The following ZNF326 variants were observed in gnomAD, a reference collection of about 807,000 sequenced individuals.
The protein encoded by ZNF326 is zinc finger protein 326.
In ZNF326, 30 loss-of-function variants were observed where a neutral mutation model predicts 63.1. The ratio of observed to expected loss-of-function variants is 0.48; its 90% CI spans 0.36 to 0.64. The LOEUF (loss-of-function observed/expected upper bound fraction) is 0.64. ZNF326 is among the 30% of genes least tolerant of loss of function. The probability of loss-of-function intolerance (pLI) is 0.00; values close to 1 mark genes in which losing one functional copy is unlikely to be tolerated. For missense variants in ZNF326, 609 were observed against 720.3 expected, an observed-to-expected ratio of 0.85 and a Z score of 1.77; for synonymous variants, 194 against 228.2, an observed-to-expected ratio of 0.85 and a Z score of 1.35.
intron 11 of ZNF326, among the ~76,000 whole-genome samples, chr1:90,023,447 C>T (rs1438501968): frequency 2.0e-5 from 3 of 152,070 alleles, no homozygotes. Flanking sequence ...CAGTCCTTTC[C>T]AAGCTAAATA....
At chr1:89,995,342 T>TA in intron 1 of ZNF326, 69 bp downstream of exon 1, 2 of 1,512,116 alleles carry the variant, frequency 1.3e-6, no homozygotes. Flanking sequence ...GGGGTCTGTT[T>TA]ACCGTCTCAA....
chr1:90,021,050 G>T, intron 10 of ZNF326, 128 bp downstream of exon 10: 1 of 1,017,620 alleles, frequency 9.8e-7, no homozygotes, highest in Non-Finnish European at 1.4e-6. Context: ...ATAACTGTAA[G>T]TATACTCAGA....
chr1:89,999,602 T>C (rs1356193779), intron 2 of ZNF326, among the ~76,000 whole-genome samples: 1 of 152,240 alleles, frequency 6.6e-6, no homozygotes, highest in Non-Finnish European at 1.5e-5. Context: ...TTTCAAAGTC[T>C]CTCTTTTCAC....
Position 90,033,424 on chromosome 1 carries a change from G to A in ZNF326, c.*5723G>A, listed in dbSNP as rs1346690668. The A allele has an allele frequency of 6.6e-6, 1 of 152,036 alleles. No homozygotes were observed. The highest frequency in any genetic ancestry group is 1.5e-5 in the Non-Finnish European group (1 of 67,994). 9.4% of individuals were successfully genotyped at this position (152,036 alleles called of 1,614,324 possible). A position where few individuals can be genotyped will look rare whatever the true frequency, so the allele number is the denominator to read the frequency against. On this transcript the variant is annotated 3_prime_UTR_variant, in exon 12 of 12. Coordinates refer to ENST00000340281, the MANE Select transcript of ZNF326 (RefSeq NM_182976.4). ...GGGAAAAAATGACCAAGTATAATTA[G>A]TATTATATGGAATAATAATTACTAC...
chr1:90,022,174 A>C, intron 10 of ZNF326, 76 bp from the exon 11 acceptor site: 1 of 1,070,654 alleles, frequency 9.3e-7, no homozygotes, highest in Non-Finnish European at 1.4e-6. Flanking sequence ...TTTGAGCATG[A>C]AATGCTGTTT....
intron 4 of ZNF326, 107 bp downstream of exon 4, chr1:90,005,351 G>T: frequency 6.8e-7 from 1 of 1,471,240 alleles, no homozygotes; most frequent in South Asian, 1.5e-5. Flanking sequence ...TTCACTGTTT[G>T]CTATTGAATC....
At chr1:90,005,742 A>G in intron 4 of ZNF326, 2 of 983,692 alleles carry the variant, frequency 2.0e-6, no homozygotes, top group Non-Finnish European at 2.4e-6. Context: ...TCTAATTTTA[A>G]AGGAAGAGCA....
intron 11 of ZNF326, among the ~76,000 whole-genome samples, chr1:90,026,446 T>C (rs569688101): frequency 5.3e-5 from 8 of 152,222 alleles, no homozygotes; most frequent in Non-Finnish European, 1.2e-4. Flanking sequence ...CTCTCCTCTC[T>C]TTTGAGTTGC....
At chr1:90,005,800 T>G (rs1181629356) in intron 4 of ZNF326, 2 of 985,248 alleles carry the variant, frequency 2.0e-6, no homozygotes, top group African/African-American at 3.5e-5. Context: ...GGTTATTTAT[T>G]GACAGGTACT....
At chr1:90,006,250 G>A (rs1459546867) in intron 4 of ZNF326, 1 of 983,404 alleles carries the variant, frequency 1.0e-6, no homozygotes, top group Non-Finnish European at 1.2e-6. Context: ...ATTTTTATAT[G>A]GTTACTAGGA....
intron 7 of ZNF326, among the ~76,000 whole-genome samples, chr1:90,014,816 C>T (rs912222420): frequency 5.3e-5 from 8 of 152,132 alleles, no homozygotes; most frequent in Non-Finnish European, 1.2e-4. Context: ...AAGTAACAGG[C>T]ATAGTTAATA....
At position 90,027,675 on chromosome 1, in the gene ZNF326, C is replaced by T. The variant is rs1650086853; in HGVS notation, c.1723C>T (p.Pro575Ser). 1.2e-6 allele frequency: 2 copies of T among 1,613,730 alleles called. No homozygotes were observed. The highest frequency in any genetic ancestry group is 1.3e-5 in the African/African-American group (1 of 74,836). ...AGCAAAGGAAGAACCTGCTGACTTC[C>T]CTGTTGAGCAACCTGAAGAAAATTA... ...ETAKEEPADF[P>S]VEQPEEN The change falls in exon 12 of 12, where the codon CCT (proline) becomes TCT (serine). Residue 575 changes from proline to serine, a missense_variant. This residue lies in a region of ZNF326 where 399 missense variants were observed against 444.3 expected (regional missense o/e 0.90). Transcript: ENST00000340281.
chr1:90,010,937 G>A (rs1467411151), intron 6 of ZNF326, among the ~76,000 whole-genome samples: 1 of 152,126 alleles, frequency 6.6e-6, no homozygotes, highest in Non-Finnish European at 1.5e-5. Flanking sequence ...ACTAAGCAGA[G>A]TATGTGTTGT....
chr1:90,025,128 G>C (rs1366794020), intron 11 of ZNF326, among the ~76,000 whole-genome samples: 1 of 151,658 alleles, frequency 6.6e-6, no homozygotes, highest in Non-Finnish European at 1.5e-5. Context: ...AGTTTACTTT[G>C]CACGTGCTCT....
intron 2 of ZNF326, among the ~76,000 whole-genome samples, chr1:89,999,553 C>G (rs915702058): frequency 1.3e-5 from 2 of 152,162 alleles, no homozygotes; most frequent in African/African-American, 4.8e-5. Flanking sequence ...ATAACTGGTT[C>G]TCATCTGAGG....
At chr1:90,012,230 A>T (rs1257415750) in intron 6 of ZNF326, among the ~76,000 whole-genome samples, 1 of 152,238 alleles carries the variant, frequency 6.6e-6, no homozygotes, top group African/African-American at 2.4e-5. Context: ...AGAATGGTTT[A>T]AAAAATGTGG....
Position 90,030,595 on chromosome 1 carries a change from G to A in ZNF326, c.*2894G>A, listed in dbSNP as rs1288627066. The A allele has an allele frequency of 6.6e-6, 1 of 151,734 alleles. No individual in the cohort carries two copies. The highest frequency in any genetic ancestry group is 2.4e-5 in the African/African-American group (1 of 41,324). 9.4% of individuals were successfully genotyped at this position (151,734 alleles called of 1,614,324 possible). On this transcript the variant is annotated 3_prime_UTR_variant, in exon 12 of 12. Transcript: ENST00000340281. ...AAAGGGGAGTAGTTCTAAAATGTTT[G>A]TAGAAACGAGGATTTGGGGGTACCA...
intron 10 of ZNF326, among the ~76,000 whole-genome samples, chr1:90,021,980 G>A (rs1349625549): frequency 6.6e-6 from 1 of 152,120 alleles, no homozygotes; most frequent in African/African-American, 2.4e-5. Flanking sequence ...CAGATGTGGA[G>A]TGGAAAGAAG....
intron 11 of ZNF326, 81 bp from the exon 12 acceptor site, chr1:90,027,273 A>G (rs1650053413): frequency 7.6e-7 from 1 of 1,315,336 alleles, no homozygotes; most frequent in Non-Finnish European, 1.1e-6. Flanking sequence ...ATTTCTCATG[A>G]TATGGCAAGT....
Sources: allele counts gnomAD v4.1 joint callset (sites outside exome capture counted in the v4.1 genomes callset), GRCh38; gene constraint gnomAD v4.1.1; regional missense constraint gnomAD v4.1.1; transcripts MANE v1.5; gene names NCBI Gene and HGNC (gene_info 2026-07-23, HGNC 2026-07-21).